The following CSMD3 variants were observed in gnomAD, a reference collection of about 807,000 sequenced individuals.
CSMD3 encodes the protein CUB and Sushi multiple domains 3.
CSMD3 carries 177 observed loss-of-function variants against 435.2 expected under a neutral mutation model. The ratio of observed to expected loss-of-function variants is 0.41; its 90% CI spans 0.36 to 0.46. The LOEUF is 0.46. CSMD3 is among the 20% of genes least tolerant of loss of function. The pLI is 0.34. For missense variants in CSMD3, 4,265 were observed against 4,504.6 expected, an observed-to-expected ratio of 0.95 and a Z score of 1.52; for synonymous variants, 1,656 against 1,520.5, an observed-to-expected ratio of 1.09 and a Z score of -2.07.
chr8:112,604,737 T>C (rs1832657538), intron 22 of CSMD3, among the ~76,000 whole-genome samples: 2 of 152,130 alleles, frequency 1.3e-5, no homozygotes, highest in African/African-American at 2.4e-5. Context: ...AAAGGTTTCA[T>C]AATGAAGATG....
At chr8:112,406,391 A>T (rs1831862979) in intron 35 of CSMD3, 133 bp downstream of exon 35, 1 of 511,446 alleles carries the variant, frequency 2.0e-6, no homozygotes, top group Non-Finnish European at 3.4e-6. Flanking sequence ...TCATATTTAT[A>T]TAAAGCATAC....
rs555895616 is a variant in CSMD3 at position 112,930,947 on chromosome 8, A to C, written c.1509-9196T>G. Among the ~76,000 whole-genome samples the C allele has an allele frequency of 3.3e-5, 5 of 152,234 alleles. No individual in the cohort carries two copies. The East Asian group carries it at 9.7e-4, about 29-fold the overall frequency. ...CATATGTCAGTAATGTAAATTTAGA[A>C]TATTAAGTTGCTATTGCCATATTAA... On this transcript the variant is annotated intron_variant, in intron 9 of 70. Transcript: ENST00000297405.
chr8:113,056,583 A>G (rs928908146), intron 5 of CSMD3, among the ~76,000 whole-genome samples: 5 of 152,094 alleles, frequency 3.3e-5, no homozygotes, highest in East Asian at 3.9e-4. Context: ...TTACACACCA[A>G]TTGGTTGAAC....
chr8:113,160,844 A>G (rs1354503105), intron 4 of CSMD3, among the ~76,000 whole-genome samples: 2 of 152,106 alleles, frequency 1.3e-5, no homozygotes, highest in Non-Finnish European at 2.9e-5. Flanking sequence ...AATATTACCT[A>G]GAATTCCTCT....
At chr8:112,973,353 T>A (rs937209306) in intron 7 of CSMD3, among the ~76,000 whole-genome samples, 2 of 151,942 alleles carry the variant, frequency 1.3e-5, no homozygotes, top group African/African-American at 4.8e-5. Context: ...AAAGACTCAC[T>A]CTCTGCATAC....
chr8:112,354,884 A>G (rs1826448086), intron 38 of CSMD3, among the ~76,000 whole-genome samples: 1 of 152,200 alleles, frequency 6.6e-6, no homozygotes, highest in African/African-American at 2.4e-5. Flanking sequence ...GTAAAGCCCA[A>G]ATAGCCAAAG....
chr8:112,557,141 A>G (rs1828197297), intron 24 of CSMD3, among the ~76,000 whole-genome samples, 187 bp from the exon 25 acceptor site: 1 of 151,814 alleles, frequency 6.6e-6, no homozygotes, highest in Non-Finnish European at 1.5e-5. Flanking sequence ...GAAAATTAAA[A>G]TGTGTTGTGT....
intron 10 of CSMD3, among the ~76,000 whole-genome samples, chr8:112,906,684 C>T (rs1270904517): frequency 2.0e-5 from 3 of 151,422 alleles, no homozygotes; most frequent in African/African-American, 4.8e-5. Flanking sequence ...CTAAGGATTC[C>T]TCACTAGCTA....
chr8:112,546,500 A>G (rs1827194494), intron 27 of CSMD3, among the ~76,000 whole-genome samples: 1 of 152,168 alleles, frequency 6.6e-6, no homozygotes, highest in South Asian at 2.1e-4. Flanking sequence ...TTTCAACAGT[A>G]TTAGCTACGG....
chr8:112,339,374 G>A (rs1824880393), intron 42 of CSMD3, among the ~76,000 whole-genome samples: 1 of 151,926 alleles, frequency 6.6e-6, no homozygotes, highest in Admixed American at 6.6e-5. Context: ...TCATCTACAT[G>A]GGGTGAGCAT....
intron 58 of CSMD3, among the ~76,000 whole-genome samples, chr8:112,285,646 T>A (rs992436279): frequency 6.6e-6 from 1 of 152,134 alleles, no homozygotes; most frequent in African/African-American, 2.4e-5. Context: ...AAAGAACAAT[T>A]AAGGTCAATA....
At chr8:113,349,800 G>A (rs1378979997) in intron 1 of CSMD3, among the ~76,000 whole-genome samples, 1 of 151,950 alleles carries the variant, frequency 6.6e-6, no homozygotes, top group Non-Finnish European at 1.5e-5. Context: ...ATGTAGTATG[G>A]TAGATTGTCT....
chr8:112,557,019 C>A, intron 24 of CSMD3, 65 bp from the exon 25 acceptor site: 2 of 968,026 alleles, frequency 2.1e-6, no homozygotes, highest in South Asian at 2.7e-5. Context: ...CTATACAAAT[C>A]ATTCCTTTCC....
intron 12 of CSMD3, among the ~76,000 whole-genome samples, chr8:112,801,273 G>A (rs1219088634): frequency 6.6e-6 from 1 of 151,952 alleles, no homozygotes; most frequent in Non-Finnish European, 1.5e-5. Flanking sequence ...GCTCTACTAT[G>A]AATACACCAG....
chr8:112,771,494 G>A (rs540654070), intron 13 of CSMD3, among the ~76,000 whole-genome samples: 15 of 151,974 alleles, frequency 9.9e-5, no homozygotes, highest in African/African-American at 3.6e-4. Context: ...AGCCAAGATC[G>A]TGCCAACGCA....
intron 2 of CSMD3, chr8:113,311,106 G>T (rs2093864934): frequency 6.6e-6 from 1 of 151,862 alleles, no homozygotes; most frequent in Non-Finnish European, 1.5e-5. Context: ...TTTTTTACTT[G>T]TTGGTATAAG....
intron 5 of CSMD3, among the ~76,000 whole-genome samples, chr8:113,025,257 T>A (rs2086833911): frequency 6.6e-6 from 1 of 152,178 alleles, no homozygotes; most frequent in South Asian, 2.1e-4. Flanking sequence ...GTGGTAGTTT[T>A]GGTAAAGTGA....
At position 112,405,201 on chromosome 8, in the gene CSMD3, A is replaced by C. The variant is rs1319119810; in HGVS notation, c.5809+1323T>G. ...TCTCTCTCAAAAAAAAAAAAAAAAA[A>C]AAAAAAAACCCCCATATATATATAT... is the stretch of plus-strand genomic sequence containing the variant. On this transcript the variant is annotated intron_variant, in intron 35 of 70. Coordinates refer to ENST00000297405, the MANE Select transcript of CSMD3 (RefSeq NM_198123.2). Among the ~76,000 whole-genome samples, 14 of 40,486 alleles carry C rather than the reference A, an allele frequency of 3.5e-4. 1 individual carries two copies. Among genetic ancestry groups the C allele is most frequent in the East Asian group, 1.4e-3 (2 of 1,384 alleles). 26.6% of individuals were successfully genotyped at this position (40,486 alleles called of 152,430 possible).
intron 27 of CSMD3, among the ~76,000 whole-genome samples, chr8:112,542,172 A>G (rs1425124318): frequency 1.3e-5 from 2 of 151,540 alleles, no homozygotes; most frequent in East Asian, 3.9e-4. Context: ...TAAAGGCCAT[A>G]TATCAAAAGA....
Sources: gnomAD v4.1 joint callset for allele counts (sites outside exome capture counted in the v4.1 genomes callset) on GRCh38, gnomAD v4.1.1 for gene constraint, MANE v1.5 for transcripts, NCBI Gene and HGNC (gene_info 2026-07-23, HGNC 2026-07-21) for gene names.